CLVS2: variants seen among roughly 807,000 people sequenced by gnomAD.
CLVS2 encodes clavesin 2.
Under a neutral mutation model 29.0 loss-of-function variants are expected in CLVS2, and 19 were observed. That is an observed-to-expected ratio of 0.66 (90% CI 0.46 to 0.96). The LOEUF (loss-of-function observed/expected upper bound fraction) is 0.96, where lower values mean the gene tolerates loss of function less well. Among genes scored for constraint, CLVS2 ranks in the 40% least tolerant of loss-of-function variants. The pLI is 0.00. For missense variants in CLVS2, 294 were observed against 404.1 expected, an observed-to-expected ratio of 0.73 and a Z score of 2.34; for synonymous variants, 161 against 151.3, an observed-to-expected ratio of 1.06 and a Z score of -0.47.
rs1203214834 is a variant in CLVS2, at chr6:123,069,844, C to G, written c.*6083C>G. The G allele has an allele frequency of 6.6e-6, 1 of 151,802 alleles. No individual in the cohort carries two copies. Among genetic ancestry groups the G allele is most frequent in the Non-Finnish European group, 1.5e-5 (1 of 67,846 alleles). 9.4% of individuals were successfully genotyped at this position (151,802 alleles called of 1,614,324 possible). A position where few individuals can be genotyped will look rare whatever the true frequency, so the allele number is the denominator to read the frequency against. On this transcript the variant is annotated 3_prime_UTR_variant, in exon 6 of 6. Transcript: ENST00000275162. ...GAAACATCATCAAAAACACGTACCTCTGAGCATCACTTCTTTCTCTAAAAA... is the reference window on the plus strand; with the variant it reads ...GAAACATCATCAAAAACACGTACCTGTGAGCATCACTTCTTTCTCTAAAAA...
chr6:123,033,080 G>A (rs1288558775), intron 3 of CLVS2, among the ~76,000 whole-genome samples: 1 of 151,604 alleles, frequency 6.6e-6, no homozygotes, highest in Non-Finnish European at 1.5e-5. Context: ...TTTCATGGTG[G>A]CATATTAGCC....
At chr6:123,027,911 T>G (rs901791173) in intron 3 of CLVS2, among the ~76,000 whole-genome samples, 1 of 152,224 alleles carries the variant, frequency 6.6e-6, no homozygotes, top group Non-Finnish European at 1.5e-5. Context: ...ATTGTGTTTA[T>G]TATATTAATG....
In CLVS2 at chr6:123,006,247, A is replaced by C. The variant is rs774511551; in HGVS notation, c.390-4738A>C. 1.3e-5 allele frequency among the ~76,000 whole-genome samples: 2 copies of C among 152,128 alleles called. 1 individual carries two copies. Among genetic ancestry groups the C allele is most frequent in the Non-Finnish European group, 2.9e-5 (2 of 68,016 alleles). On this transcript the variant is annotated intron_variant, in intron 2 of 5. Transcript: ENST00000275162. ...GATTTAAGTGAACATAAAGCATCGG[A>C]GTGTACCAGCTTGTTGGGGGTTGAA... is the stretch of plus-strand genomic sequence containing the variant.
chr6:123,056,587 C>T (rs1772696971), intron 5 of CLVS2, among the ~76,000 whole-genome samples: 1 of 152,146 alleles, frequency 6.6e-6, no homozygotes, highest in South Asian at 2.1e-4. Context: ...AATTCACAGA[C>T]AGTCTAGCAG....
chr6:122,998,228 G>T, intron 2 of CLVS2, 62 bp downstream of exon 2: 2 of 1,512,182 alleles, frequency 1.3e-6, no homozygotes, highest in Non-Finnish European at 1.8e-6. Flanking sequence ...AATTTACCCC[G>T]AGTAGTGTCA....
At position 122,997,877 on chromosome 6, in the gene CLVS2, G is replaced by A. The variant is rs1774534937; in HGVS notation, c.100G>A (p.Val34Met). ...PDTLHQDIQEVRDMVITRPDI... is the reference protein window; with the variant it reads ...PDTLHQDIQEMRDMVITRPDI... ...CACGCTGCACCAGGACATCCAGGAG[G>A]TGAGGGATATGGTCATCACCAGGCC... Residue 34 changes from valine to methionine, a missense_variant, in exon 2 of 6, where the codon GTG becomes ATG. Physicochemically the swap from Val to Met is conservative, Grantham distance 21. Coordinates refer to ENST00000275162, the MANE Select transcript of CLVS2 (RefSeq NM_001010852.4). The A allele has an allele frequency of 1.2e-6, 2 of 1,614,224 alleles. No individual in the cohort carries two copies.
intron 3 of CLVS2, among the ~76,000 whole-genome samples, chr6:123,019,568 A>G (rs1415028873): frequency 2.6e-5 from 4 of 152,046 alleles, no homozygotes; most frequent in Non-Finnish European, 5.9e-5. Flanking sequence ...GATTCTATCA[A>G]TTCTACTCTC....
chr6:123,048,251 A>C (rs1170904928), intron 3 of CLVS2, among the ~76,000 whole-genome samples: 1 of 151,848 alleles, frequency 6.6e-6, no homozygotes, highest in Non-Finnish European at 1.5e-5. Context: ...ATAAATATAA[A>C]TAATTTAAAT....
intron 3 of CLVS2, among the ~76,000 whole-genome samples, chr6:123,023,517 G>A (rs768962452): frequency 6.6e-6 from 1 of 152,014 alleles, no homozygotes; most frequent in Non-Finnish European, 1.5e-5. Flanking sequence ...TAATTTACAA[G>A]CACAAAACAT....
In CLVS2 at chr6:123,034,137, C is replaced by T. The variant is rs1035299894; in HGVS notation, c.565-14485C>T. ...AGGAATATAAAATGGTACAGGCAAT[C>T]GGGAAAACAATTGGCAGTTTTCTGT... is the stretch of plus-strand genomic sequence containing the variant. On this transcript the variant is annotated intron_variant, in intron 3 of 5. Coordinates refer to ENST00000275162, the MANE Select transcript of CLVS2 (RefSeq NM_001010852.4). Among the ~76,000 whole-genome samples, 6 of 152,046 alleles carry T rather than the reference C, an allele frequency of 3.9e-5. No homozygotes were observed. In the South Asian group the frequency reaches 8.3e-4, roughly 21 times the overall value.
intron 3 of CLVS2, among the ~76,000 whole-genome samples, chr6:123,043,309 A>G (rs1391478212): frequency 6.6e-6 from 1 of 152,138 alleles, no homozygotes; most frequent in Non-Finnish European, 1.5e-5. Context: ...GAAAATGTCT[A>G]GAGTAAGTAT....
intron 4 of CLVS2, among the ~76,000 whole-genome samples, chr6:123,049,732 T>C (rs9490638): frequency 0.015 from 2,213 of 148,278 alleles, 18 homozygotes; most frequent in Middle Eastern, 0.047. Context: ...AGCTTTATTG[T>C]GAGTGTGAAA....
At chr6:123,044,355 A>ATAGATCTCAATCAATT (rs1289588219) in intron 3 of CLVS2, among the ~76,000 whole-genome samples, 5 of 152,192 alleles carry the variant, frequency 3.3e-5, no homozygotes, top group African/African-American at 1.2e-4. Context: ...AGCGCTTTAG[A>ATAGATCTCAATCAATT]TAGATCTCAA....
At chr6:123,058,981 C>T (rs532910238) in intron 5 of CLVS2, among the ~76,000 whole-genome samples, 1 of 152,152 alleles carries the variant, frequency 6.6e-6, no homozygotes, top group East Asian at 1.9e-4. Context: ...TTAATGACTG[C>T]TATTTATACA....
chr6:123,063,474 G>A (rs1374769019), intron 5 of CLVS2, among the ~76,000 whole-genome samples, 200 bp from the exon 6 acceptor site: 1 of 151,994 alleles, frequency 6.6e-6, no homozygotes, highest in Non-Finnish European at 1.5e-5. Context: ...AGGCCAGAGG[G>A]GATTTTTTTC....
chr6:123,031,184 T>G (rs1052738699), intron 3 of CLVS2, among the ~76,000 whole-genome samples: 23 of 152,148 alleles, frequency 1.5e-4, no homozygotes, highest in Non-Finnish European at 3.1e-4. Flanking sequence ...TTGCCCAGAC[T>G]GTTCTCAAAC....
rs1274445652 is a variant in CLVS2 at position 123,072,886 on chromosome 6, T to C, written c.*9125T>C. 6.6e-6 allele frequency: 1 copy of C among 152,128 alleles called. No homozygotes were observed. Among genetic ancestry groups the C allele is most frequent in the Non-Finnish European group, 1.5e-5 (1 of 67,992 alleles). 9.4% of individuals were successfully genotyped at this position (152,128 alleles called of 1,614,324 possible). A position where few individuals can be genotyped will look rare whatever the true frequency, so the allele number is the denominator to read the frequency against. On this transcript the variant is annotated 3_prime_UTR_variant, in exon 6 of 6. Transcript: ENST00000275162. Reference sequence around the variant, plus strand: ...GTCTTTTTTGATTTCTGAGGATGAATGAAGTACTGTTAAATAAAATGTCAC... The same window carrying C: ...GTCTTTTTTGATTTCTGAGGATGAACGAAGTACTGTTAAATAAAATGTCAC...
In CLVS2 at chr6:123,014,789, T is replaced by G. The variant is rs544899540; in HGVS notation, c.564+3630T>G. Among the ~76,000 whole-genome samples, 18 of 152,220 alleles carry G rather than the reference T, an allele frequency of 1.2e-4. No homozygotes were observed. In the South Asian group the frequency reaches 3.7e-3, roughly 32 times the overall value. On this transcript the variant is annotated intron_variant, in intron 3 of 5. Transcript: ENST00000275162. ...GAATCTGAATAATACCATAGTATTC[T>G]TTTGGTGCTCAGACTTTAGATACAG...
chr6:123,041,575 A>G (rs1243359168), intron 3 of CLVS2, among the ~76,000 whole-genome samples: 1 of 152,234 alleles, frequency 6.6e-6, no homozygotes, highest in Non-Finnish European at 1.5e-5. Flanking sequence ...TGACAGGGCA[A>G]AAGAGAGATT....
Sources: allele counts gnomAD v4.1 joint callset (sites outside exome capture counted in the v4.1 genomes callset), GRCh38; gene constraint gnomAD v4.1.1; transcripts MANE v1.5; gene names NCBI Gene and HGNC (gene_info 2026-07-23, HGNC 2026-07-21).